ERCC8: variants seen among roughly 807,000 people sequenced by gnomAD.
ERCC8 encodes DNA excision repair protein ERCC-8.
ERCC8 carries 52 observed loss-of-function variants against 54.9 expected under a neutral mutation model. The ratio of observed to expected loss-of-function variants is 0.95; its 90% CI spans 0.76 to 1.19. The LOEUF is 1.19. Ranked by LOEUF, ERCC8 falls within the 50% of genes most tolerant of loss-of-function variation. ERCC8 has a pLI of 0.00. For missense variants in ERCC8, 514 were observed against 466.1 expected, an observed-to-expected ratio of 1.10 and a Z score of -0.95; for synonymous variants, 146 against 157.2, an observed-to-expected ratio of 0.93 and a Z score of 0.53.
chr5:60,893,944 T>C (rs549119844), intron 9 of ERCC8, among the ~76,000 whole-genome samples: 1 of 152,024 alleles, frequency 6.6e-6, no homozygotes. Context: ...AGCAAAGATA[T>C]TCTTACCCCT....
rs577024828 is a variant in ERCC8, at chr5:60,868,468, A to G, written c.*6147T>C. ...ACAGAGAACTAAGAGAGGTCGCAACATAGTTCTTTAATTTTACCCCCTTCC... is the reference window on the plus strand; with the variant it reads ...ACAGAGAACTAAGAGAGGTCGCAACGTAGTTCTTTAATTTTACCCCCTTCC... On this transcript the variant is annotated 3_prime_UTR_variant, in exon 12 of 12. Transcript: ENST00000676185. Among the ~76,000 whole-genome samples, 7 of 152,304 alleles carry G rather than the reference A, an allele frequency of 4.6e-5. No individual in the cohort carries two copies. The highest frequency in any genetic ancestry group is 1.4e-4 in the African/African-American group (6 of 41,576).
intron 11 of ERCC8, among the ~76,000 whole-genome samples, chr5:60,876,767 G>A (rs1356152830): frequency 3.3e-5 from 5 of 152,050 alleles, no homozygotes; most frequent in Non-Finnish European, 5.9e-5. Context: ...TCCATTGTAG[G>A]TTCTGGATAT....
chr5:60,879,966 G>T (rs1019507892), intron 11 of ERCC8, among the ~76,000 whole-genome samples: 3 of 152,144 alleles, frequency 2.0e-5, no homozygotes, highest in Non-Finnish European at 4.4e-5. Flanking sequence ...AGCCTTGATG[G>T]TCTTTACAAT....
chr5:60,945,044 G>T lies in ERCC8; in HGVS notation c.-36C>A, dbSNP rs990334906. The T allele has an allele frequency of 1.9e-6, 3 of 1,575,860 alleles. No individual in the cohort carries two copies. Among genetic ancestry groups the T allele is most frequent in the Non-Finnish European group, 2.6e-6 (3 of 1,145,122 alleles). On this transcript the variant is annotated 5_prime_UTR_variant, in exon 1 of 12. Coordinates refer to ENST00000676185, the MANE Select transcript of ERCC8 (RefSeq NM_000082.4). ...CACACCGGCTGGAGCACTGGACGTC[G>T]CCATGACAGAGCTCAGGGGCGGGAC...
intron 4 of ERCC8, among the ~76,000 whole-genome samples, chr5:60,908,362 T>C (rs1749140854): frequency 6.6e-6 from 1 of 152,004 alleles, no homozygotes; most frequent in African/African-American, 2.4e-5. Context: ...ATATTCAGTG[T>C]AGACCTCACT....
Position 60,870,702 on chromosome 5 carries a change from C to T in ERCC8, c.*3913G>A, listed in dbSNP as rs562949467. On this transcript the variant is annotated 3_prime_UTR_variant, in exon 12 of 12. Transcript: ENST00000676185. ...AAGAAAGGAAGAAACATAGAGAGGT[C>T]AGTTACATGCAATTTTTAGATAATC... Among the ~76,000 whole-genome samples the T allele has an allele frequency of 2.7e-5, 4 of 149,536 alleles. No individual in the cohort carries two copies. Among genetic ancestry groups the T allele is most frequent in the African/African-American group, 9.8e-5 (4 of 40,814 alleles).
At position 60,890,996 on chromosome 5, in the gene ERCC8, A is replaced by G; in HGVS notation, c.934T>C (p.Tyr312His). 2.2e-5 allele frequency: 36 copies of G among 1,613,344 alleles called. No homozygotes were observed. Among genetic ancestry groups the G allele is most frequent in the Non-Finnish European group, 3.1e-5 (36 of 1,179,422 alleles). Residue 312 changes from tyrosine to histidine, a missense_variant, in exon 10 of 12, where the codon TAT (tyrosine) becomes CAT (histidine). Physicochemically the swap from Tyr to His is moderately conservative, Grantham distance 83. Coordinates refer to ENST00000676185, the MANE Select transcript of ERCC8 (RefSeq NM_000082.4). ...GCSSEFVFVP[Y>H]GSTIAVYTVY... ...GTATAAACAGCAATGGTGCTACCATATGGTACAAAAACAAATTCTGAACTG... is the reference window on the plus strand; with the variant it reads ...GTATAAACAGCAATGGTGCTACCATGTGGTACAAAAACAAATTCTGAACTG...
At chr5:60,906,335 A>G (rs1465400637) in intron 4 of ERCC8, among the ~76,000 whole-genome samples, 1 of 151,400 alleles carries the variant, frequency 6.6e-6, no homozygotes, top group African/African-American at 2.4e-5. Flanking sequence ...TGCTGGGCCT[A>G]TGTTTTAGCA....
intron 1 of ERCC8, among the ~76,000 whole-genome samples, chr5:60,944,518 G>A (rs2112556022): frequency 6.6e-6 from 1 of 152,142 alleles, no homozygotes; most frequent in South Asian, 2.1e-4. Flanking sequence ...TCAATTCCTG[G>A]CCTGTGTCCT....
intron 11 of ERCC8, among the ~76,000 whole-genome samples, chr5:60,883,435 G>C (rs1489401862): frequency 6.6e-6 from 1 of 152,146 alleles, no homozygotes; most frequent in African/African-American, 2.4e-5. Flanking sequence ...CATGCAGTCT[G>C]TGCTTGAACA....
chr5:60,925,138 C>A (rs553538234), intron 2 of ERCC8, among the ~76,000 whole-genome samples: 4 of 152,026 alleles, frequency 2.6e-5, no homozygotes, highest in African/African-American at 4.8e-5. Flanking sequence ...TTTTCTTAAC[C>A]TTTTAGAATG....
rs988004752 is a variant in ERCC8 at position 60,870,132 on chromosome 5, A to G, written c.*4483T>C. 6.6e-6 allele frequency among the ~76,000 whole-genome samples: 1 copy of G among 152,092 alleles called. No homozygotes were observed. Among genetic ancestry groups the G allele is most frequent in the East Asian group, 1.9e-4 (1 of 5,190 alleles). ...AACAAAACAAGGGTTTAGGGTGGGG[A>G]GGGGAATAAAACAATAATCAAAAGT... On this transcript the variant is annotated 3_prime_UTR_variant, in exon 12 of 12. Coordinates refer to ENST00000676185, the MANE Select transcript of ERCC8 (RefSeq NM_000082.4).
At chr5:60,918,729 T>C in intron 3 of ERCC8, 1 of 319,912 alleles carries the variant, frequency 3.1e-6, no homozygotes, top group Non-Finnish European at 6.0e-6. Flanking sequence ...ACAGCTGTTT[T>C]GGTTTTGGAT....
chr5:60,944,555 C>T (rs1036075194), intron 1 of ERCC8, among the ~76,000 whole-genome samples: 2 of 152,192 alleles, frequency 1.3e-5, no homozygotes, highest in Non-Finnish European at 2.9e-5. Context: ...GCCTGGCACA[C>T]TGTAGGAATT....
chr5:60,919,347 A>C (rs1749534126), intron 3 of ERCC8: 1 of 152,098 alleles, frequency 6.6e-6, no homozygotes, highest in South Asian at 2.1e-4. Flanking sequence ...ACAACTCTCC[A>C]ATCTTGTATA....
chr5:60,893,217 C>T (rs1579997128), intron 9 of ERCC8: 5 of 971,762 alleles, frequency 5.1e-6, no homozygotes, highest in East Asian at 2.4e-5. Context: ...TACCACCTCA[C>T]GGACTCCTTG....
At chr5:60,892,311 G>A (rs1183781287) in intron 9 of ERCC8, 1 of 557,780 alleles carries the variant, frequency 1.8e-6, no homozygotes, top group Admixed American at 1.9e-5. Flanking sequence ...TCCATTTTGA[G>A]TGGGTCTGTG....
chr5:60,895,672 C>G (rs942810987), intron 9 of ERCC8, among the ~76,000 whole-genome samples: 7 of 152,054 alleles, frequency 4.6e-5, no homozygotes, highest in Admixed American at 4.6e-4. Context: ...CCTACATGTG[C>G]AACAATTTGC....
chr5:60,928,838 T>C lies in ERCC8; in HGVS notation c.173+26A>G, dbSNP rs756745528. ...ACTGCATTTCACTTAGAAAGAAAAATGATTATACAAGTATAATAAACTTAC... is the reference window on the plus strand; with the variant it reads ...ACTGCATTTCACTTAGAAAGAAAAACGATTATACAAGTATAATAAACTTAC... On this transcript the variant is annotated intron_variant, in intron 2 of 11. Transcript: ENST00000676185. The C allele has an allele frequency of 5.4e-6, 7 of 1,289,292 alleles. No individual in the cohort carries two copies. In the Admixed American group the frequency reaches 1.2e-4, roughly 22 times the overall value. The allele number at this position is 1,289,292 out of a possible 1,614,324, so 79.9% of individuals were successfully genotyped here. A position where few individuals can be genotyped will look rare whatever the true frequency, so the allele number is the denominator to read the frequency against.
Sources: allele counts gnomAD v4.1 joint callset (sites outside exome capture counted in the v4.1 genomes callset), GRCh38; gene constraint gnomAD v4.1.1; transcripts MANE v1.5; gene names NCBI Gene and HGNC (gene_info 2026-07-23, HGNC 2026-07-21).